PPARD: variants seen among roughly 807,000 people sequenced by gnomAD.
The protein encoded by PPARD is peroxisome proliferator-activated receptor delta.
Under a neutral mutation model 39.5 loss-of-function variants are expected in PPARD, and 6 were observed. The observed-to-expected ratio is 0.15, with a 90% confidence interval of 0.08 to 0.30. The LOEUF is 0.30. PPARD is among the 10% of genes least tolerant of loss of function. PPARD has a pLI of 1.00. For missense variants in PPARD, 397 were observed against 596.8 expected (o/e 0.67, Z 3.49); for synonymous variants, 210 against 231.3 (o/e 0.91, Z 0.83).
chr6:35,343,538 G>A (rs778979463), intron 1 of PPARD, among the ~76,000 whole-genome samples: 3 of 152,194 alleles, frequency 2.0e-5, no homozygotes, highest in African/African-American at 4.8e-5. Context: ...ATGGGGTGGG[G>A]GTGGAGGTGT....
intron 2 of PPARD, among the ~76,000 whole-genome samples, chr6:35,400,059 C>G (rs1218765156): frequency 1.3e-5 from 2 of 152,184 alleles, no homozygotes; most frequent in African/African-American, 4.8e-5. Context: ...CTGGGTTCTC[C>G]TGGACAGACC....
At chr6:35,357,950 G>C (rs1761716080) in intron 2 of PPARD, among the ~76,000 whole-genome samples, 1 of 152,168 alleles carries the variant, frequency 6.6e-6, no homozygotes, top group African/African-American at 2.4e-5. Flanking sequence ...TCTGAACTGT[G>C]TTTCTTCCAA....
intron 2 of PPARD, among the ~76,000 whole-genome samples, chr6:35,371,621 C>T (rs900256603): frequency 2.0e-5 from 3 of 152,176 alleles, no homozygotes; most frequent in Admixed American, 2.0e-4. Context: ...GGTCGTTCCT[C>T]CCGTTCTTTT....
At position 35,427,694 on chromosome 6, in the gene PPARD, A is replaced by AGGGGCAAG. The variant is rs1199288739; in HGVS notation, c.*1619_*1626dup. ...GCGGCGCAGAGCCCTCCAGGCCTGC[A>AGGGGCAAG]GGGGCAAGGGGCTGGCTGGAGTCTC... On this transcript the variant is annotated 3_prime_UTR_variant, in exon 8 of 8. Transcript: ENST00000360694. 4 of 152,388 alleles carry AGGGGCAAG rather than the reference A, an allele frequency of 2.6e-5. No homozygotes were observed. Among genetic ancestry groups the AGGGGCAAG allele is most frequent in the African/African-American group, 9.6e-5 (4 of 41,468 alleles). 9.4% of individuals were successfully genotyped at this position (152,388 alleles called of 1,614,324 possible). A position where few individuals can be genotyped will look rare whatever the true frequency, so the allele number is the denominator to read the frequency against.
At chr6:35,417,624 C>G (rs1419116369) in intron 3 of PPARD, among the ~76,000 whole-genome samples, 1 of 152,046 alleles carries the variant, frequency 6.6e-6, no homozygotes, top group African/African-American at 2.4e-5. Context: ...CCCCTGCCCC[C>G]GGGTTCAAGT....
rs1766559966 is a variant in PPARD, at chr6:35,426,134, C to T, written c.*55C>T. Reference sequence around the variant, plus strand: ...CAATGGGGCCAGCACTGGAGGGGCCCACCCACATGACTTTTCCATTGACCA... The same window carrying T: ...CAATGGGGCCAGCACTGGAGGGGCCTACCCACATGACTTTTCCATTGACCA... On this transcript the variant is annotated 3_prime_UTR_variant, in exon 8 of 8. Transcript: ENST00000360694. 3.8e-6 allele frequency: 6 copies of T among 1,576,326 alleles called. No individual in the cohort carries two copies. The highest frequency in any genetic ancestry group is 5.1e-6 in the Non-Finnish European group (6 of 1,165,860).
intron 2 of PPARD, among the ~76,000 whole-genome samples, chr6:35,394,840 G>A (rs906692661): frequency 6.6e-6 from 1 of 151,506 alleles, no homozygotes; most frequent in South Asian, 2.1e-4. Context: ...CCCCTAAGAG[G>A]TAACATTTTG....
At chr6:35,398,124 A>C (rs1169559063) in intron 2 of PPARD, among the ~76,000 whole-genome samples, 1 of 152,140 alleles carries the variant, frequency 6.6e-6, no homozygotes, top group African/African-American at 2.4e-5. Flanking sequence ...TTTCTCTGTG[A>C]TAGGAAGCTC....
intron 2 of PPARD, among the ~76,000 whole-genome samples, chr6:35,369,387 A>G (rs918628852): frequency 6.6e-6 from 1 of 152,198 alleles, no homozygotes; most frequent in Non-Finnish European, 1.5e-5. Flanking sequence ...CATCACCACA[A>G]TCTAGTTTTA....
chr6:35,398,319 G>A (rs1381217613), intron 2 of PPARD, among the ~76,000 whole-genome samples: 4 of 152,148 alleles, frequency 2.6e-5, no homozygotes, highest in Non-Finnish European at 4.4e-5. Flanking sequence ...AGTAGAGGTG[G>A]TGAGAAGTAA....
intron 2 of PPARD, among the ~76,000 whole-genome samples, chr6:35,394,781 C>T (rs1232705298): frequency 6.7e-6 from 1 of 149,108 alleles, no homozygotes; most frequent in Non-Finnish European, 1.5e-5. Flanking sequence ...CCCGCCCCCC[C>T]CACCAAAAAA....
At chr6:35,359,127 C>T (rs1287541092) in intron 2 of PPARD, among the ~76,000 whole-genome samples, 1 of 152,186 alleles carries the variant, frequency 6.6e-6, no homozygotes, top group African/African-American at 2.4e-5. Context: ...CACTGGGACA[C>T]AGCTGAGGTG....
At chr6:35,373,739 C>A (rs1196174146) in intron 2 of PPARD, among the ~76,000 whole-genome samples, 1 of 151,756 alleles carries the variant, frequency 6.6e-6, no homozygotes, top group East Asian at 1.9e-4. Context: ...GCAATCTCAG[C>A]TCACAGCAGC....
At chr6:35,347,941 CTTG>C (rs1395286506) in intron 2 of PPARD, among the ~76,000 whole-genome samples, 4 of 144,054 alleles carry the variant, frequency 2.8e-5, no homozygotes, top group Admixed American at 7.1e-5. Flanking sequence ...GAGTTTCGCT[CTTG>C]TTGTCCAGGC....
chr6:35,395,246 G>A (rs76910373), intron 2 of PPARD, among the ~76,000 whole-genome samples: 3 of 152,288 alleles, frequency 2.0e-5, no homozygotes, highest in African/African-American at 7.2e-5. Flanking sequence ...ATGAGACAAG[G>A]GATTGTTTGC....
At chr6:35,384,131 T>G (rs1437365675) in intron 2 of PPARD, among the ~76,000 whole-genome samples, 7 of 114,220 alleles carry the variant, frequency 6.1e-5, no homozygotes, top group South Asian at 3.1e-4. Context: ...GTCCGGGAGG[T>G]GAGGGGCGCC....
intron 3 of PPARD, among the ~76,000 whole-genome samples, chr6:35,415,622 A>C (rs1765702051): frequency 6.6e-6 from 1 of 152,226 alleles, no homozygotes; most frequent in Non-Finnish European, 1.5e-5. Context: ...CTTCTTGTTC[A>C]TCATAATAAT....
rs532148844 is a variant in PPARD at position 35,425,743 on chromosome 6, C to T, written c.1079-89C>T. ...GTCTGTCACGGCCAAGGAGGCCTGC[C>T]GTCCCCTGGGCCAAGTCACCTCTTG... On this transcript the variant is annotated intron_variant, in intron 7 of 7. Transcript: ENST00000360694. The surrounding 1 kb of genome is among the most constrained non-coding windows in gnomAD (Gnocchi z 4.5). 5.2e-5 allele frequency: 80 copies of T among 1,547,436 alleles called. No individual in the cohort carries two copies. In the East Asian group the frequency reaches 1.0e-3, roughly 20 times the overall value.
chr6:35,400,333 C>T (rs1300261633), intron 2 of PPARD, among the ~76,000 whole-genome samples: 1 of 152,136 alleles, frequency 6.6e-6, no homozygotes, highest in Non-Finnish European at 1.5e-5. Context: ...GAGCTTCCCT[C>T]AGAGTAGGGG....
Sources: allele counts gnomAD v4.1 joint callset (sites outside exome capture counted in the v4.1 genomes callset), GRCh38; gene constraint gnomAD v4.1.1; non-coding constraint Gnocchi (gnomAD v3.1); transcripts MANE v1.5; gene names NCBI Gene and HGNC (gene_info 2026-07-23, HGNC 2026-07-21).